PPP1R12B: variants seen among roughly 807,000 people sequenced by gnomAD.
PPP1R12B encodes myosin phosphatase target subunit 2.
PPP1R12B carries 76 observed loss-of-function variants against 126.1 expected under a neutral mutation model. That is an observed-to-expected ratio of 0.60 (90% confidence interval 0.50 to 0.73). PPP1R12B has a LOEUF of 0.73. Among genes scored for constraint, PPP1R12B ranks in the 30% least tolerant of loss-of-function variants. The pLI, the probability that PPP1R12B is intolerant of heterozygous loss-of-function variation, is 0.00. For synonymous variants in PPP1R12B, 356 were observed against 434.7 expected (o/e 0.82, Z 2.25); for missense variants, 1,052 against 1,205.1 (o/e 0.87, Z 1.88).
intron 13 of PPP1R12B, among the ~76,000 whole-genome samples, chr1:202,487,376 G>A (rs1254460044): frequency 1.3e-5 from 2 of 152,124 alleles, no homozygotes; most frequent in East Asian, 3.9e-4. Flanking sequence ...AATGCTGAAA[G>A]CATTCTCTTT....
At chr1:202,412,832 A>T (rs1471003507) in intron 1 of PPP1R12B, among the ~76,000 whole-genome samples, 1 of 152,218 alleles carries the variant, frequency 6.6e-6, no homozygotes, top group Non-Finnish European at 1.5e-5. Context: ...TAAATAAAAT[A>T]AAAATGTTGA....
At position 202,584,441 on chromosome 1, in the gene PPP1R12B, AGT is replaced by A. The variant is rs1689706208; in HGVS notation, c.*3888_*3889del. On this transcript the variant is annotated 3_prime_UTR_variant, in exon 24 of 24. Coordinates refer to ENST00000608999, the MANE Select transcript of PPP1R12B (RefSeq NM_002481.4). ...GTTAATGGTCTGTGGATCCCACGAA[AGT>A]GTGTGTAAACTACTGACTGTTTCTC... 2 of 152,264 alleles carry A rather than the reference AGT, an allele frequency of 1.3e-5. No homozygotes were observed. The highest frequency in any genetic ancestry group is 2.1e-4 in the South Asian group (1 of 4,832). 9.4% of individuals were successfully genotyped at this position (152,264 alleles called of 1,614,324 possible). A position where few individuals can be genotyped will look rare whatever the true frequency, so the allele number is the denominator to read the frequency against.
At chr1:202,473,962 G>A in intron 13 of PPP1R12B, 1 of 532,498 alleles carries the variant, frequency 1.9e-6, no homozygotes, top group Non-Finnish European at 3.9e-6. Flanking sequence ...GTAACAGCCT[G>A]TTTTCTTGGA....
At chr1:202,392,417 A>C (rs1664274773) in intron 1 of PPP1R12B, among the ~76,000 whole-genome samples, 1 of 152,184 alleles carries the variant, frequency 6.6e-6, no homozygotes, top group Non-Finnish European at 1.5e-5. Context: ...AGTCCAGAAT[A>C]GGGAAATCTC....
chr1:202,555,878 C>CT (rs1417678339), intron 18 of PPP1R12B, among the ~76,000 whole-genome samples: 2,742 of 142,204 alleles, frequency 0.019, 27 homozygotes, highest in South Asian at 0.046. Flanking sequence ...ATATAATATT[C>CT]TTTTTTTTTT....
chr1:202,507,316 A>C (rs1299197601), intron 18 of PPP1R12B, among the ~76,000 whole-genome samples: 1 of 152,224 alleles, frequency 6.6e-6, no homozygotes, highest in African/African-American at 2.4e-5. Context: ...TGGCCCAAGC[A>C]TTAACACATT....
chr1:202,368,198 T>C lies in PPP1R12B; in HGVS notation c.291+19056T>C, dbSNP rs538928041. On this transcript the variant is annotated intron_variant, in intron 1 of 23. Coordinates refer to ENST00000608999, the MANE Select transcript of PPP1R12B (RefSeq NM_002481.4). ...GTTGGCCAGGCTGATGTTGAACTCC[T>C]GACCTCAGGTGATCTGCCTCCCTCG... 7.9e-5 allele frequency among the ~76,000 whole-genome samples: 12 copies of C among 152,262 alleles called. 1 individual carries two copies. The South Asian group carries it at 2.3e-3, about 29-fold the overall frequency.
intron 1 of PPP1R12B, among the ~76,000 whole-genome samples, chr1:202,391,104 T>G (rs1045333974): frequency 2.6e-5 from 4 of 152,108 alleles, no homozygotes; most frequent in African/African-American, 9.7e-5. Flanking sequence ...GAGTGAGAGA[T>G]ATTTGCAAAT....
At position 202,508,527 on chromosome 1, in the gene PPP1R12B, A is replaced by T. The variant is rs979883439; in HGVS notation, c.2490+11705A>T. Among the ~76,000 whole-genome samples the T allele has an allele frequency of 6.6e-6, 1 of 152,082 alleles. No individual in the cohort carries two copies. The highest frequency in any genetic ancestry group is 1.5e-5 in the Non-Finnish European group (1 of 68,020). On this transcript the variant is annotated intron_variant, in intron 18 of 23. Transcript: ENST00000608999. The surrounding 1 kb of genome is among the most constrained non-coding windows in gnomAD (Gnocchi z 4.5). The stretch of plus-strand genomic sequence containing the variant: ...ATAGCTCTTGTTATGTTTCTGAAAA[A>T]TTTTTTCAGGAAACAGAAGCATTTT...
At chr1:202,576,053 C>G (rs1324052595) in intron 23 of PPP1R12B, 3 of 152,166 alleles carry the variant, frequency 2.0e-5, no homozygotes, top group Non-Finnish European at 4.4e-5. Context: ...ATCTTTGGGC[C>G]CTAGGGATGT....
At chr1:202,525,612 CT>C (rs71142537) in intron 18 of PPP1R12B, among the ~76,000 whole-genome samples, 187 of 120,168 alleles carry the variant, frequency 1.6e-3, no homozygotes, top group East Asian at 1.4e-3. Context: ...TTTTTTTTTT[CT>C]TTTTTTTTTT....
chr1:202,486,652 A>G (rs376463968), intron 13 of PPP1R12B, among the ~76,000 whole-genome samples: 19 of 152,318 alleles, frequency 1.2e-4, no homozygotes, highest in African/African-American at 4.6e-4. Context: ...TAAAAATAAA[A>G]AAAAGTTAGC....
At chr1:202,539,244 G>A (rs1017435154) in intron 18 of PPP1R12B, among the ~76,000 whole-genome samples, 1 of 152,144 alleles carries the variant, frequency 6.6e-6, no homozygotes, top group African/African-American at 2.4e-5. Context: ...AGGTTGGTGA[G>A]GTTTGCCTCT....
At chr1:202,546,617 A>G (rs113192206) in intron 18 of PPP1R12B, among the ~76,000 whole-genome samples, 8 of 152,114 alleles carry the variant, frequency 5.3e-5, no homozygotes, top group African/African-American at 1.9e-4. Flanking sequence ...AAGAAAAAAA[A>G]AATAGTGTGA....
chr1:202,362,415 G>A (rs1309119018), intron 1 of PPP1R12B, among the ~76,000 whole-genome samples: 3 of 152,344 alleles, frequency 2.0e-5, no homozygotes, highest in South Asian at 2.1e-4. Context: ...ACCTGTTGAA[G>A]AGTTCCTACA....
At chr1:202,399,921 G>A (rs1665577621) in intron 1 of PPP1R12B, among the ~76,000 whole-genome samples, 1 of 152,074 alleles carries the variant, frequency 6.6e-6, no homozygotes, top group South Asian at 2.1e-4. Flanking sequence ...TGATGCTGAA[G>A]TTTGGGGTAT....
intron 5 of PPP1R12B, among the ~76,000 whole-genome samples, chr1:202,428,356 G>A (rs1669818140): frequency 6.6e-6 from 1 of 152,116 alleles, no homozygotes; most frequent in South Asian, 2.1e-4. Flanking sequence ...CCTGAACCCA[G>A]GTTTCATTCT....
chr1:202,516,059 C>A (rs976773427), intron 18 of PPP1R12B, among the ~76,000 whole-genome samples: 3 of 152,198 alleles, frequency 2.0e-5, no homozygotes, highest in Admixed American at 6.5e-5. Flanking sequence ...GTTTCCTTAA[C>A]TTTAAAATAA....
At chr1:202,366,391 T>G (rs766199211) in intron 1 of PPP1R12B, among the ~76,000 whole-genome samples, 35 of 151,780 alleles carry the variant, frequency 2.3e-4, no homozygotes, top group Non-Finnish European at 5.0e-4. Context: ...TGGTGGCACA[T>G]GCCTGTAATC....
Sources: gnomAD v4.1 joint callset for allele counts (sites outside exome capture counted in the v4.1 genomes callset) on GRCh38, gnomAD v4.1.1 for gene constraint, Gnocchi (gnomAD v3.1) non-coding constraint, MANE v1.5 for transcripts, NCBI Gene and HGNC (gene_info 2026-07-23, HGNC 2026-07-21) for gene names.